The following MCM8 variants were observed in gnomAD, a reference collection of about 807,000 sequenced individuals.
The protein encoded by MCM8 is minichromosome maintenance 8 homologous recombination repair factor.
In MCM8, 85 loss-of-function variants were observed where a neutral mutation model predicts 98.9. That is an observed-to-expected ratio of 0.86 (90% confidence interval 0.72 to 1.03). The LOEUF (loss-of-function observed/expected upper bound fraction) is 1.03. Among genes scored for constraint, MCM8 ranks in the 50% least tolerant of loss-of-function variants. The pLI is 0.00. For synonymous variants in MCM8, 352 were observed against 338.6 expected, an observed-to-expected ratio of 1.04 and a Z score of -0.44; for missense variants, 951 against 997.8, an observed-to-expected ratio of 0.95 and a Z score of 0.63.
In MCM8 at chr20:5,994,478, GACACACAC is replaced by G. The variant is rs11472210; in HGVS notation, c.*125_*132del. The G allele has an allele frequency of 5.9e-3, 2,258 of 384,130 alleles. 8 individuals are homozygous for G. The highest frequency in any genetic ancestry group is 0.039 in the East Asian group (894 of 23,120). The allele number at this position is 384,130 out of a possible 1,614,324, so 23.8% of individuals were successfully genotyped here. On this transcript the variant is annotated 3_prime_UTR_variant, in exon 19 of 19. Coordinates refer to ENST00000610722, the MANE Select transcript of MCM8 (RefSeq NM_032485.6). ...ATATGCGTGCACGCACAGACAGACA[GACACACAC>G]ACACACACACACACACACACACACA... is the stretch of plus-strand genomic sequence containing the variant.
chr20:5,971,682 T>C (rs537215293), intron 10 of MCM8, among the ~76,000 whole-genome samples: 1 of 152,302 alleles, frequency 6.6e-6, no homozygotes, highest in Non-Finnish European at 1.5e-5. Flanking sequence ...TACAATATAA[T>C]CCCGTATCCT....
At chr20:5,953,750 G>A (rs987334573) in intron 3 of MCM8, among the ~76,000 whole-genome samples, 1 of 151,570 alleles carries the variant, frequency 6.6e-6, no homozygotes, top group Non-Finnish European at 1.5e-5. Context: ...TAGGATTCCA[G>A]ACGTGAGCCA....
chr20:5,951,092 CT>C (rs2088809386), intron 1 of MCM8, 69 bp downstream of exon 1: 1 of 152,320 alleles, frequency 6.6e-6, no homozygotes, highest in Admixed American at 6.5e-5. Flanking sequence ...CCAACTGTTT[CT>C]TTTTACTCTT....
Position 5,986,075 on chromosome 20 carries a change from TTAAA to T in MCM8, c.2110_2113del (p.Asn704AlafsTer12). The T allele has an allele frequency of 6.2e-7, 1 of 1,614,202 alleles. No individual in the cohort carries two copies. Among genetic ancestry groups the T allele is most frequent in the Non-Finnish European group, 8.5e-7 (1 of 1,180,040 alleles). Reference sequence around the variant, plus strand: ...TGAGCTCCGGAAACAGAGCCAGAGGTTAAATAGCTCACCAATCACTACCAGGCAG... The same window carrying T: ...TGAGCTCCGGAAACAGAGCCAGAGGTTAGCTCACCAATCACTACCAGGCAG... On this transcript the variant is annotated frameshift_variant, in exon 16 of 19. Transcript: ENST00000610722. LOFTEE classifies it high-confidence loss of function.
At chr20:5,964,560 T>TC (rs2089233824) in intron 8 of MCM8, 1 of 152,196 alleles carries the variant, frequency 6.6e-6, no homozygotes, top group Non-Finnish European at 1.5e-5. Flanking sequence ...GGTAGTAAGT[T>TC]ATTTCAGTTG....
intron 14 of MCM8, among the ~76,000 whole-genome samples, chr20:5,983,742 A>C (rs1471404313): frequency 6.6e-6 from 1 of 152,174 alleles, no homozygotes; most frequent in Admixed American, 6.5e-5. Context: ...TACACAATTT[A>C]TTATTTTGTG....
chr20:5,992,540 AAG>A (rs2089874079), intron 17 of MCM8, among the ~76,000 whole-genome samples: 2 of 152,214 alleles, frequency 1.3e-5, no homozygotes, highest in Admixed American at 6.5e-5. Flanking sequence ...TTCATCTTAA[AAG>A]AGATTATGCT....
intron 12 of MCM8, among the ~76,000 whole-genome samples, chr20:5,974,047 G>A (rs144688942): frequency 2.7e-3 from 415 of 152,274 alleles, no homozygotes; most frequent in African/African-American, 9.5e-3. Flanking sequence ...CCTTTCCTGG[G>A]TTTTATGATG....
intron 8 of MCM8, among the ~76,000 whole-genome samples, chr20:5,963,629 G>A (rs2089206667): frequency 1.4e-5 from 2 of 147,414 alleles, no homozygotes; most frequent in South Asian, 2.1e-4. Flanking sequence ...CTGGGTTCAT[G>A]CCACTCTCCT....
chr20:5,951,564 T>C (rs578014697), intron 1 of MCM8, among the ~76,000 whole-genome samples: 6 of 152,332 alleles, frequency 3.9e-5, no homozygotes, highest in Admixed American at 3.9e-4. Flanking sequence ...CACTGCAGGA[T>C]TGACTGTATG....
At chr20:5,992,511 GAAAC>G (rs1423301922) in intron 17 of MCM8, among the ~76,000 whole-genome samples, 4 of 152,082 alleles carry the variant, frequency 2.6e-5, no homozygotes, top group South Asian at 4.1e-4. Context: ...TTTCTCATGA[GAAAC>G]AAGCATATGG....
chr20:5,986,122 T>C lies in MCM8; in HGVS notation c.2154T>C (p.Arg718=). The C allele has an allele frequency of 1.9e-6, 3 of 1,614,208 alleles. No individual in the cohort carries two copies. The highest frequency in any genetic ancestry group is 2.5e-6 in the Non-Finnish European group (3 of 1,180,026). The change falls in exon 16 of 19, where the codon CGT becomes CGC. Residue 718 remains arginine (R), a synonymous_variant. Transcript: ENST00000610722. ...CCAGGCAGCTGGAATCTTTGATTCGTCTGACAGAGGTTTGTTTCTTTTTAT... is the reference window on the plus strand; with the variant it reads ...CCAGGCAGCTGGAATCTTTGATTCGCCTGACAGAGGTTTGTTTCTTTTTAT... ...ITTRQLESLI[R]LTEARARLEL...
At chr20:5,955,574 A>G (rs1021042087) in intron 5 of MCM8, among the ~76,000 whole-genome samples, 2 of 152,192 alleles carry the variant, frequency 1.3e-5, no homozygotes, top group Non-Finnish European at 2.9e-5. Context: ...AGATAAAACA[A>G]GGAATCATGG....
intron 10 of MCM8, among the ~76,000 whole-genome samples, chr20:5,969,143 TTAACA>T (rs918894756): frequency 3.9e-5 from 6 of 152,352 alleles, no homozygotes; most frequent in East Asian, 1.9e-4. Context: ...TATAATGTAC[TTAACA>T]TAACTACTGC....
At chr20:5,983,220 A>G in intron 14 of MCM8, 55 bp downstream of exon 14, 4 of 1,409,418 alleles carry the variant, frequency 2.8e-6, no homozygotes, top group Non-Finnish European at 3.9e-6. Context: ...TTAATTCAAT[A>G]AGAAAAAGAA....
chr20:5,995,852 C>T lies in MCM8; in HGVS notation c.*1461C>T, dbSNP rs769067868. ...CTACTAAAATACGGCTTCCCGCAAA[C>T]GAAGATGAATGGAAAATGTAAATAA... is the stretch of plus-strand genomic sequence containing the variant. On this transcript the variant is annotated 3_prime_UTR_variant, in exon 19 of 19. Coordinates refer to ENST00000610722, the MANE Select transcript of MCM8 (RefSeq NM_032485.6). 9.9e-5 allele frequency: 15 copies of T among 152,152 alleles called. No homozygotes were observed. The highest frequency in any genetic ancestry group is 6.8e-3 in the Middle Eastern group (2 of 294). 9.4% of individuals were successfully genotyped at this position (152,152 alleles called of 1,614,324 possible). A position where few individuals can be genotyped will look rare whatever the true frequency, so the allele number is the denominator to read the frequency against.
intron 3 of MCM8, among the ~76,000 whole-genome samples, chr20:5,953,200 AAG>A (rs1158587113): frequency 6.6e-6 from 1 of 152,208 alleles, no homozygotes; most frequent in Non-Finnish European, 1.5e-5. Context: ...GCAGAATTTA[AAG>A]AGAATCTGAG....
At chr20:5,989,220 A>C (rs1473157462) in intron 17 of MCM8, among the ~76,000 whole-genome samples, 1 of 147,170 alleles carries the variant, frequency 6.8e-6, no homozygotes, top group African/African-American at 2.6e-5. Context: ...GGGTTCAAGC[A>C]ATTCTCCTGC....
Position 5,952,160 on chromosome 20 carries a change from T to A in MCM8, c.145T>A (p.Ser49Thr). Reference sequence around the variant, plus strand: ...GAGTAAAACCACAGGAAAACGTACTTCTGGTAGGTGAGGTCAATGATTGTT... The same window carrying A: ...GAGTAAAACCACAGGAAAACGTACTACTGGTAGGTGAGGTCAATGATTGTT... ...DLSKTTGKRT[S>T]EQTPQFLLST... The change falls in exon 2 of 19, where the codon TCT becomes ACT. Residue 49 changes from serine to threonine, a missense_variant. By Grantham distance (58) the Ser-to-Thr change is moderately conservative (BLOSUM62 1). Transcript: ENST00000610722. 6.2e-7 allele frequency: 1 copy of A among 1,613,348 alleles called. No individual in the cohort carries two copies. The highest frequency in any genetic ancestry group is 8.5e-7 in the Non-Finnish European group (1 of 1,179,882).
Sources: allele counts gnomAD v4.1 joint callset (sites outside exome capture counted in the v4.1 genomes callset), GRCh38; gene constraint gnomAD v4.1.1; transcripts MANE v1.5; gene names NCBI Gene and HGNC (gene_info 2026-07-23, HGNC 2026-07-21).